AKR1C8: variants seen among roughly 807,000 people sequenced by gnomAD.
AKR1C8 encodes the protein aldo-keto reductase family 1 member C8.
At chr10:5,151,999 G>C in the AKR1C8 span, among the ~76,000 whole-genome samples, 1 of 152,114 alleles carries the variant, frequency 6.6e-6, no homozygotes, top group Non-Finnish European at 1.5e-5. Context: ...ACTCATGCAG[G>C]CTGGGCTGGG....
chr10:5,144,683 G>C, the AKR1C8 span, among the ~76,000 whole-genome samples: 1 of 152,084 alleles, frequency 6.6e-6, no homozygotes, highest in Non-Finnish European at 1.5e-5. Flanking sequence ...TCTGTTATTG[G>C]TGTATAAGAA....
chr10:5,167,588 A>G, the AKR1C8 span, among the ~76,000 whole-genome samples: 2 of 152,222 alleles, frequency 1.3e-5, no homozygotes, highest in Non-Finnish European at 2.9e-5. Context: ...GAACAATGAG[A>G]ACACATGGAC....
the AKR1C8 span, among the ~76,000 whole-genome samples, chr10:5,138,874 T>G: frequency 2.0e-5 from 3 of 152,182 alleles, no homozygotes; most frequent in Non-Finnish European, 4.4e-5. Context: ...AAATTGTCCC[T>G]GTTTGCAGAT....
the AKR1C8 span, among the ~76,000 whole-genome samples, chr10:5,174,281 T>TA: frequency 8.8e-4 from 128 of 145,638 alleles, no homozygotes; most frequent in Middle Eastern, 3.8e-3. Context: ...GTGATGTCTA[T>TA]AAAAAAAAAA....
At chr10:5,145,377 A>T in the AKR1C8 span, among the ~76,000 whole-genome samples, 1 of 152,198 alleles carries the variant, frequency 6.6e-6, no homozygotes, top group Non-Finnish European at 1.5e-5. Flanking sequence ...GCTTCTGCAC[A>T]GCAAAAGAAA....
At chr10:5,137,515 T>C in the AKR1C8 span, among the ~76,000 whole-genome samples, 1 of 152,042 alleles carries the variant, frequency 6.6e-6, no homozygotes, top group African/African-American at 2.4e-5. Context: ...ATTATCTCAA[T>C]AGATGGAGAA....
the AKR1C8 span, chr10:5,123,221 C>A: frequency 3.1e-4 from 55 of 175,356 alleles, no homozygotes; most frequent in African/African-American, 9.7e-5. Context: ...TTACAGGAAG[C>A]ACATGTGTGA....
chr10:5,180,184 C>T, the AKR1C8 span, among the ~76,000 whole-genome samples: 2 of 152,104 alleles, frequency 1.3e-5, no homozygotes, highest in African/African-American at 4.8e-5. Context: ...GTTAGTTTTC[C>T]TTCTAACAGA....
the AKR1C8 span, among the ~76,000 whole-genome samples, chr10:5,181,086 G>T: frequency 6.6e-6 from 1 of 152,284 alleles, no homozygotes; most frequent in East Asian, 1.9e-4. Context: ...CGTCACTCAC[G>T]CTGGGAGGTG....
At chr10:5,152,993 G>A in the AKR1C8 span, among the ~76,000 whole-genome samples, 1 of 151,988 alleles carries the variant, frequency 6.6e-6, no homozygotes, top group East Asian at 1.9e-4. Flanking sequence ...TTGGAATGGA[G>A]GGCAATCAGT....
chr10:5,141,178 G>A, the AKR1C8 span, among the ~76,000 whole-genome samples: 1 of 152,092 alleles, frequency 6.6e-6, no homozygotes, highest in Non-Finnish European at 1.5e-5. Context: ...GTTAAGAAAA[G>A]AGTAGATTTC....
At chr10:5,140,765 G>A in the AKR1C8 span, among the ~76,000 whole-genome samples, 1 of 137,966 alleles carries the variant, frequency 7.2e-6, no homozygotes, top group Non-Finnish European at 1.5e-5. Context: ...CCTGCACATT[G>A]TGCACATGTA....
the AKR1C8 span, among the ~76,000 whole-genome samples, chr10:5,177,577 TG>T: frequency 6.6e-6 from 1 of 152,212 alleles, no homozygotes; most frequent in Non-Finnish European, 1.5e-5. Context: ...CTTGTACCTG[TG>T]GTAGAATTCG....
chr10:5,118,238 G>A, the AKR1C8 span, among the ~76,000 whole-genome samples: 6 of 152,188 alleles, frequency 3.9e-5, no homozygotes, highest in Admixed American at 3.9e-4. Flanking sequence ...AAAAAAGGCA[G>A]GGGTAGGGAC....
chr10:5,149,507 A>G, the AKR1C8 span, among the ~76,000 whole-genome samples: 1 of 152,112 alleles, frequency 6.6e-6, no homozygotes, highest in Non-Finnish European at 1.5e-5. Flanking sequence ...CTTCAGATGA[A>G]TTGCATAAAT....
the AKR1C8 span, among the ~76,000 whole-genome samples, chr10:5,118,476 A>G: frequency 6.6e-6 from 1 of 152,312 alleles, no homozygotes; most frequent in East Asian, 1.9e-4. Flanking sequence ...TGTTATGGCC[A>G]TAATTTACAC....
the AKR1C8 span, among the ~76,000 whole-genome samples, chr10:5,143,169 A>G: frequency 3.3e-5 from 5 of 152,136 alleles, no homozygotes; most frequent in African/African-American, 7.2e-5. Context: ...CCCTAATTCA[A>G]TATGGGAAAC....
chr10:5,150,160 A>G, the AKR1C8 span, among the ~76,000 whole-genome samples: 1 of 152,144 alleles, frequency 6.6e-6, no homozygotes, highest in African/African-American at 2.4e-5. Flanking sequence ...CAATGGCACA[A>G]TTTCCATGGT....
chr10:5,157,548 T>C, the AKR1C8 span: 2 of 390,870 alleles, frequency 5.1e-6, no homozygotes, highest in Non-Finnish European at 1.1e-5. Flanking sequence ...CAGGAATGAA[T>C]GACACGTGTC....
Sources: gnomAD v4.1 joint callset for allele counts (sites outside exome capture counted in the v4.1 genomes callset) on GRCh38, gnomAD v4.1.1 for gene constraint, MANE v1.5 for transcripts, NCBI Gene and HGNC (gene_info 2026-07-23, HGNC 2026-07-21) for gene names.